The following RANBP2 variants were observed in gnomAD, a reference collection of about 807,000 sequenced individuals.
The protein encoded by RANBP2 is RAN binding protein 2.
RANBP2 carries 57 observed loss-of-function variants against 303.6 expected under a neutral mutation model. The ratio of observed to expected loss-of-function variants is 0.19; its 90% CI spans 0.15 to 0.23. The LOEUF is 0.23. Ranked by LOEUF, RANBP2 falls within the 10% of genes least tolerant of loss-of-function variation. RANBP2 has a pLI of 1.00. For synonymous variants in RANBP2, 1,167 were observed against 1,301.5 expected, an observed-to-expected ratio of 0.90 and a Z score of 2.23; for missense variants, 3,138 against 3,780.8, an observed-to-expected ratio of 0.83 and a Z score of 4.46.
the RANBP2 span, among the ~76,000 whole-genome samples, chr2:108,853,806 ACCAGCCATCC>A: frequency 1.4e-5 from 2 of 141,436 alleles, no homozygotes; most frequent in Admixed American, 1.5e-4. Flanking sequence ...AGTTACAGGC[ACCAGCCATCC>A]CCAGCCAACT....
the RANBP2 span, among the ~76,000 whole-genome samples, chr2:109,685,156 A>G: frequency 1.3e-5 from 2 of 152,184 alleles, no homozygotes; most frequent in Non-Finnish European, 2.9e-5. Flanking sequence ...TACAGGCATG[A>G]GCCACCGCGC....
chr2:108,781,537 T>C, intron 26 of RANBP2, 108 bp downstream of exon 26: 1 of 1,024,074 alleles, frequency 9.8e-7, no homozygotes, highest in South Asian at 1.5e-5. Flanking sequence ...GAATGTTTAC[T>C]GTTTGAAATG....
At chr2:109,089,060 T>C in the RANBP2 span, among the ~76,000 whole-genome samples, 2 of 151,418 alleles carry the variant, frequency 1.3e-5, no homozygotes, top group African/African-American at 2.4e-5. Context: ...CAGGGCACAG[T>C]GGGGAAAAGT....
the RANBP2 span, among the ~76,000 whole-genome samples, chr2:109,609,418 G>A: frequency 6.3e-3 from 966 of 152,130 alleles, 4 homozygotes; most frequent in South Asian, 0.017. Flanking sequence ...GATGCAAAAG[G>A]TTAACAATAC....
chr2:109,232,071 A>G, the RANBP2 span, among the ~76,000 whole-genome samples: 1 of 152,242 alleles, frequency 6.6e-6, no homozygotes, highest in Non-Finnish European at 1.5e-5. Flanking sequence ...CTTTGGGGCT[A>G]TTATGAACAA....
chr2:109,002,358 C>A, the RANBP2 span, among the ~76,000 whole-genome samples: 1 of 152,178 alleles, frequency 6.6e-6, no homozygotes, highest in Non-Finnish European at 1.5e-5. Context: ...CAAAGGGCAC[C>A]ACACTTGCCT....
At chr2:109,152,422 C>T in the RANBP2 span, among the ~76,000 whole-genome samples, 2 of 152,140 alleles carry the variant, frequency 1.3e-5, no homozygotes, top group African/African-American at 4.8e-5. Flanking sequence ...TTCTGGGCTC[C>T]GATCTCAAGT....
the RANBP2 span, among the ~76,000 whole-genome samples, chr2:108,978,038 T>C: frequency 6.6e-6 from 1 of 152,124 alleles, no homozygotes; most frequent in Non-Finnish European, 1.5e-5. Context: ...AGGGCTGCGG[T>C]TCAAAGTCGT....
chr2:109,561,190 T>C, the RANBP2 span, among the ~76,000 whole-genome samples: 1 of 152,322 alleles, frequency 6.6e-6, no homozygotes, highest in South Asian at 2.1e-4. Context: ...TGCAGTGAAC[T>C]GATCTTCTTC....
At chr2:109,542,370 T>TTA in the RANBP2 span, among the ~76,000 whole-genome samples, 48 of 152,338 alleles carry the variant, frequency 3.2e-4, no homozygotes, top group African/African-American at 1.1e-3. Context: ...GCCCTGCTGT[T>TTA]AAGTCTAGAG....
At position 108,742,616 on chromosome 2, in the gene RANBP2, A is replaced by AAATT. The variant is rs1222161147; in HGVS notation, c.975+1937_975+1938insTTAA. Among the ~76,000 whole-genome samples the AAATT allele has an allele frequency of 2.6e-5, 4 of 152,044 alleles. No individual in the cohort carries two copies. In the East Asian group the frequency reaches 7.8e-4, roughly 30 times the overall value. On this transcript the variant is annotated intron_variant, in intron 7 of 28. Coordinates refer to ENST00000283195, the MANE Select transcript of RANBP2 (RefSeq NM_006267.5). The stretch of plus-strand genomic sequence containing the variant: ...ACCGAGCCCGGCCTGTAAATCTTTT[A>AAATT]AAAACACCGTTGATAGACAGTTCAC...
the RANBP2 span, among the ~76,000 whole-genome samples, chr2:109,596,727 C>G: frequency 3.3e-5 from 5 of 152,022 alleles, no homozygotes; most frequent in Admixed American, 3.3e-4. Flanking sequence ...TATCAAATAT[C>G]TGCTTTTGTT....
the RANBP2 span, among the ~76,000 whole-genome samples, chr2:109,500,890 C>T: frequency 6.6e-6 from 1 of 152,126 alleles, no homozygotes; most frequent in African/African-American, 2.4e-5. Context: ...CTCAAGGCTT[C>T]GGTGAGCTAG....
rs1238106275 is a variant in RANBP2, at chr2:108,765,705, T to G, written c.5166T>G (p.Thr1722=). Residue 1722 remains threonine (T), a synonymous_variant, in exon 20 of 29, where the codon ACT becomes ACG. Transcript: ENST00000283195. ...AGAGCGGATTTGAGGGAATGTTCAC[T>G]AAGAAGGAAGGACAGTGGGATTGCA... ...APKSGFEGMF[T]KKEGQWDCSV... The G allele has an allele frequency of 1.9e-6, 3 of 1,613,166 alleles. No homozygotes were observed. The highest frequency in any genetic ancestry group is 1.7e-5 in the Admixed American group (1 of 59,904).
chr2:109,016,517 G>T, the RANBP2 span, among the ~76,000 whole-genome samples: 1 of 152,220 alleles, frequency 6.6e-6, no homozygotes, highest in Non-Finnish European at 1.5e-5. Flanking sequence ...GCTTTGGCCA[G>T]TCGTGTGTGT....
the RANBP2 span, among the ~76,000 whole-genome samples, chr2:109,219,809 A>G: frequency 1.3e-5 from 2 of 152,234 alleles, no homozygotes; most frequent in African/African-American, 4.8e-5. Context: ...TCTCTTGTTC[A>G]TGGATTGGAA....
the RANBP2 span, among the ~76,000 whole-genome samples, chr2:109,343,766 A>G: frequency 6.9e-6 from 1 of 145,390 alleles, no homozygotes; most frequent in Non-Finnish European, 1.5e-5. Flanking sequence ...TTTCTTAGAC[A>G]CAGGTTCTTG....
chr2:109,462,169 A>T, the RANBP2 span, among the ~76,000 whole-genome samples: 319 of 149,738 alleles, frequency 2.1e-3, no homozygotes, highest in African/African-American at 7.4e-3. Flanking sequence ...AAGGCCATCA[A>T]TGTCATGGGC....
At chr2:109,026,297 C>CTTTT in the RANBP2 span, among the ~76,000 whole-genome samples, 1 of 93,424 alleles carries the variant, frequency 1.1e-5, no homozygotes, top group African/African-American at 4.1e-5. Flanking sequence ...CCATGCCTAG[C>CTTTT]TTTTTTTTTT....
Sources: gnomAD v4.1 joint callset for allele counts (sites outside exome capture counted in the v4.1 genomes callset) on GRCh38, gnomAD v4.1.1 for gene constraint, MANE v1.5 for transcripts, NCBI Gene and HGNC (gene_info 2026-07-23, HGNC 2026-07-21) for gene names.